ZBTB20: variants seen among roughly 807,000 people sequenced by gnomAD.
ZBTB20 encodes zinc finger and BTB domain-containing protein 20.
A neutral mutation model predicts 56.9 loss-of-function variants in ZBTB20; 9 were observed. The ratio of observed to expected loss-of-function variants is 0.16; its 90% confidence interval spans 0.10 to 0.28. The LOEUF (loss-of-function observed/expected upper bound fraction) is 0.28, where lower values mean the gene tolerates loss of function less well. ZBTB20 is among the 10% of genes least tolerant of loss of function. ZBTB20 has a pLI of 1.00. For missense variants in ZBTB20, 655 were observed against 1,003.0 expected, an observed-to-expected ratio of 0.65 and a Z score of 4.69; for synonymous variants, 417 against 420.7, an observed-to-expected ratio of 0.99 and a Z score of 0.11.
intron 3 of ZBTB20, among the ~76,000 whole-genome samples, chr3:114,921,695 C>G (rs2075965511): frequency 1.5e-5 from 2 of 129,256 alleles, no homozygotes; most frequent in African/African-American, 6.1e-5. Flanking sequence ...AGGGGAACAT[C>G]ACACACCAGA....
intron 2 of ZBTB20, among the ~76,000 whole-genome samples, chr3:115,059,572 A>C (rs1249294567): frequency 6.6e-6 from 1 of 152,136 alleles, no homozygotes; most frequent in Non-Finnish European, 1.5e-5. Flanking sequence ...CAAAGTATGC[A>C]CAGTTTAATA....
chr3:114,454,175 G>GGGGAGAGAGAGAGAGA (rs1192815934), intron 7 of ZBTB20, among the ~76,000 whole-genome samples: 1 of 116,676 alleles, frequency 8.6e-6, no homozygotes, highest in Non-Finnish European at 1.6e-5. Flanking sequence ...AAAAGAGAAG[G>GGGGAGAGAGAGAGAGA]GAGAGAGAGA....
At chr3:114,721,979 G>A (rs890922467) in intron 5 of ZBTB20, among the ~76,000 whole-genome samples, 3 of 152,144 alleles carry the variant, frequency 2.0e-5, no homozygotes, top group Admixed American at 6.5e-5. Context: ...CCACCAAACC[G>A]GAAAGCTCTT....
chr3:114,594,873 A>G (rs1055805780), intron 6 of ZBTB20, among the ~76,000 whole-genome samples: 5 of 152,176 alleles, frequency 3.3e-5, no homozygotes, highest in African/African-American at 1.2e-4. Context: ...GACCACAAAA[A>G]CGGATCTAAC....
intron 2 of ZBTB20, among the ~76,000 whole-genome samples, chr3:115,046,938 C>A (rs1014000098): frequency 1.3e-5 from 2 of 152,108 alleles, no homozygotes; most frequent in South Asian, 2.1e-4. Flanking sequence ...ATGCCAAGAG[C>A]TGATTTAGAC....
intron 7 of ZBTB20, among the ~76,000 whole-genome samples, chr3:114,495,455 A>G (rs2043185038): frequency 7.0e-6 from 1 of 142,464 alleles, no homozygotes; most frequent in Non-Finnish European, 1.5e-5. Context: ...CTGTGTATAC[A>G]CACACACACA....
At chr3:114,849,982 C>T (rs527904048) in intron 4 of ZBTB20, among the ~76,000 whole-genome samples, 131 of 149,070 alleles carry the variant, frequency 8.8e-4, no homozygotes, top group Non-Finnish European at 1.6e-3. Context: ...TCACTGCAAC[C>T]TCCACCTCCT....
chr3:114,989,873 G>C (rs2078722917), intron 2 of ZBTB20, among the ~76,000 whole-genome samples: 1 of 152,240 alleles, frequency 6.6e-6, no homozygotes, highest in South Asian at 2.1e-4. Context: ...AATTGTGAAT[G>C]GGAGTTCACT....
At chr3:114,866,830 G>A (rs1576164227) in intron 4 of ZBTB20, among the ~76,000 whole-genome samples, 1 of 152,106 alleles carries the variant, frequency 6.6e-6, no homozygotes, top group Admixed American at 6.6e-5. Context: ...TCAAGCCTTT[G>A]GACTAATACG....
chr3:114,348,602 C>A (rs1319907867), intron 11 of ZBTB20, among the ~76,000 whole-genome samples: 1 of 152,186 alleles, frequency 6.6e-6, no homozygotes, highest in African/African-American at 2.4e-5. Context: ...AAAACTGATT[C>A]TCATAAAAGT....
intron 3 of ZBTB20, among the ~76,000 whole-genome samples, chr3:114,909,943 C>CCCAATA (rs2075465197): frequency 6.6e-6 from 1 of 151,044 alleles, no homozygotes. Flanking sequence ...TAATACTGAG[C>CCCAATA]ATAAGGGAAA....
chr3:114,536,220 A>T (rs888011542), intron 6 of ZBTB20, among the ~76,000 whole-genome samples: 5 of 152,232 alleles, frequency 3.3e-5, no homozygotes, highest in African/African-American at 1.2e-4. Context: ...CTGTTTGCAG[A>T]TGACATGATT....
intron 4 of ZBTB20, among the ~76,000 whole-genome samples, chr3:114,812,387 C>A (rs962491877): frequency 4.2e-4 from 64 of 151,858 alleles, no homozygotes; most frequent in African/African-American, 1.5e-3. Context: ...TAGCTAGATA[C>A]AGAGTGTCGA....
chr3:114,613,509 T>C (rs1287937498), intron 6 of ZBTB20, among the ~76,000 whole-genome samples: 1 of 152,068 alleles, frequency 6.6e-6, no homozygotes, highest in East Asian at 1.9e-4. Flanking sequence ...AAAATAGACA[T>C]GAAAGACTTA....
At chr3:114,853,537 C>A (rs1235006902) in intron 4 of ZBTB20, among the ~76,000 whole-genome samples, 1 of 152,228 alleles carries the variant, frequency 6.6e-6, no homozygotes, top group Non-Finnish European at 1.5e-5. Flanking sequence ...CCTCTCCAAT[C>A]CTTCTCTCAA....
chr3:114,529,372 A>G (rs1456163650), intron 6 of ZBTB20: 2 of 152,120 alleles, frequency 1.3e-5, no homozygotes, highest in Admixed American at 6.5e-5. Context: ...CAAGAGAGAA[A>G]CTCATGTTGA....
chr3:114,422,272 C>T (rs1379532888), intron 7 of ZBTB20, among the ~76,000 whole-genome samples: 1 of 152,146 alleles, frequency 6.6e-6, no homozygotes, highest in African/African-American at 2.4e-5. Context: ...ACCTAGAAGC[C>T]ACTCTTAGAC....
At chr3:114,651,436 A>G (rs1215639195) in intron 6 of ZBTB20, among the ~76,000 whole-genome samples, 2 of 151,890 alleles carry the variant, frequency 1.3e-5, no homozygotes, top group Non-Finnish European at 2.9e-5. Flanking sequence ...TTGAAAATAA[A>G]CTGAAATCTT....
At chr3:114,983,461 G>A (rs568566318) in intron 2 of ZBTB20, among the ~76,000 whole-genome samples, 2 of 151,924 alleles carry the variant, frequency 1.3e-5, no homozygotes, top group East Asian at 1.9e-4. Flanking sequence ...TCTCAAGGCC[G>A]TTCTTGTCTT....
Sources: gnomAD v4.1 joint callset for allele counts (sites outside exome capture counted in the v4.1 genomes callset) on GRCh38, gnomAD v4.1.1 for gene constraint, MANE v1.5 for transcripts, NCBI Gene and HGNC (gene_info 2026-07-23, HGNC 2026-07-21) for gene names.